Variants in SKAP2 observed in about 807,000 individuals in gnomAD.
SKAP2 encodes the protein src kinase-associated phosphoprotein 2.
Under a neutral mutation model 54.9 loss-of-function variants are expected in SKAP2, and 28 were observed. The ratio of observed to expected loss-of-function variants is 0.51; its 90% CI spans 0.38 to 0.70. The LOEUF is 0.70. Among genes scored for constraint, SKAP2 ranks in the 30% least tolerant of loss-of-function variants. SKAP2 has a pLI of 0.00. For missense variants in SKAP2, 356 were observed against 424.1 expected (o/e 0.84, Z 1.41); for synonymous variants, 137 against 134.3 (o/e 1.02, Z -0.14).
At chr7:26,809,367 C>T (rs1203682643) in intron 4 of SKAP2, among the ~76,000 whole-genome samples, 1 of 151,530 alleles carries the variant, frequency 6.6e-6, no homozygotes, top group Non-Finnish European at 1.5e-5. Flanking sequence ...GAGCCAAGAT[C>T]GCACCATTGC....
chr7:26,755,144 G>A lies in SKAP2; in HGVS notation c.308-15180C>T, dbSNP rs1341973527. Reference sequence around the variant, plus strand: ...TTATCTACCTTAATATTGATAACAAGTTATCAATTAAATTAATTCAATTAA... The same window carrying A: ...TTATCTACCTTAATATTGATAACAAATTATCAATTAAATTAATTCAATTAA... On this transcript the variant is annotated intron_variant, in intron 4 of 12. Transcript: ENST00000345317. Among the ~76,000 whole-genome samples, 9 of 152,080 alleles carry A rather than the reference G, an allele frequency of 5.9e-5. No individual in the cohort carries two copies. In the East Asian group the frequency reaches 1.7e-3, roughly 29 times the overall value.
At chr7:26,859,145 C>T (rs1785232987) in intron 1 of SKAP2, among the ~76,000 whole-genome samples, 1 of 152,054 alleles carries the variant, frequency 6.6e-6, no homozygotes, top group Non-Finnish European at 1.5e-5. Flanking sequence ...GCCTTTCTAA[C>T]TTAATTCCAC....
intron 4 of SKAP2, among the ~76,000 whole-genome samples, chr7:26,805,218 T>C (rs1784000532): frequency 6.6e-6 from 1 of 152,144 alleles, no homozygotes; most frequent in African/African-American, 2.4e-5. Context: ...AATCAGATTA[T>C]GAAACAATCA....
Position 26,714,969 on chromosome 7 carries a change from T to C in SKAP2, c.796+10459A>G, listed in dbSNP as rs376283524. ...GATATGAAGACTGTTAGAAGCTATGTCTTTACTTGTTGAGATTTCTTGGTG... is the reference window on the plus strand; with the variant it reads ...GATATGAAGACTGTTAGAAGCTATGCCTTTACTTGTTGAGATTTCTTGGTG... On this transcript the variant is annotated intron_variant, in intron 9 of 12. Transcript: ENST00000345317. Among the ~76,000 whole-genome samples the C allele has an allele frequency of 3.9e-5, 6 of 152,308 alleles. No homozygotes were observed. The East Asian group carries it at 9.6e-4, about 24-fold the overall frequency.
intron 1 of SKAP2, among the ~76,000 whole-genome samples, chr7:26,858,698 CACTA>C (rs946099271): frequency 5.9e-5 from 9 of 152,080 alleles, no homozygotes; most frequent in African/African-American, 1.9e-4. Context: ...AACACACACA[CACTA>C]ACTGCTTTCT....
At chr7:26,765,649 T>C (rs1584377045) in intron 4 of SKAP2, among the ~76,000 whole-genome samples, 2 of 152,178 alleles carry the variant, frequency 1.3e-5, no homozygotes, top group Admixed American at 1.3e-4. Context: ...TTTTGTATAA[T>C]GTGTAAGGAA....
chr7:26,688,759 TA>T (rs1312668515), intron 10 of SKAP2, among the ~76,000 whole-genome samples: 1 of 152,198 alleles, frequency 6.6e-6, no homozygotes, highest in African/African-American at 2.4e-5. Context: ...ATGTTTACTT[TA>T]AAAGGGCTTT....
At chr7:26,694,794 A>T (rs373291993) in intron 9 of SKAP2, among the ~76,000 whole-genome samples, 114 of 152,256 alleles carry the variant, frequency 7.5e-4, no homozygotes, top group Admixed American at 2.1e-3. Flanking sequence ...GAAAAGGCTT[A>T]CTGTGGGAAA....
chr7:26,838,683 T>A (rs1411262695), intron 4 of SKAP2, among the ~76,000 whole-genome samples: 2 of 152,170 alleles, frequency 1.3e-5, no homozygotes, highest in African/African-American at 2.4e-5. Context: ...GCATAAAGTT[T>A]ATGCTGTGGT....
At chr7:26,778,214 G>T (rs2064681315) in intron 4 of SKAP2, among the ~76,000 whole-genome samples, 1 of 152,056 alleles carries the variant, frequency 6.6e-6, no homozygotes, top group Non-Finnish European at 1.5e-5. Flanking sequence ...ATTTCAGGGA[G>T]GCAAAATTCA....
chr7:26,656,138 G>T, the SKAP2 span, among the ~76,000 whole-genome samples: 1 of 152,092 alleles, frequency 6.6e-6, no homozygotes, highest in Admixed American at 6.6e-5. Flanking sequence ...TGTAAATGCC[G>T]CAATTTACTG....
intron 1 of SKAP2, among the ~76,000 whole-genome samples, chr7:26,855,437 A>G (rs2127998849): frequency 6.6e-6 from 1 of 152,226 alleles, no homozygotes; most frequent in South Asian, 2.1e-4. Context: ...TCCCAAATCA[A>G]GCCCTCCTTC....
intron 9 of SKAP2, among the ~76,000 whole-genome samples, chr7:26,694,503 A>G (rs1584335446): frequency 6.6e-6 from 1 of 151,352 alleles, no homozygotes; most frequent in East Asian, 1.9e-4. Flanking sequence ...AAGTAACAGT[A>G]AAGTGAGCTA....
intron 10 of SKAP2, among the ~76,000 whole-genome samples, chr7:26,687,598 T>C (rs1416569560): frequency 6.6e-6 from 1 of 152,138 alleles, no homozygotes; most frequent in Non-Finnish European, 1.5e-5. Flanking sequence ...AATGTTTGAA[T>C]TCTTGATATG....
intron 4 of SKAP2, among the ~76,000 whole-genome samples, chr7:26,805,114 C>T (rs1034684196): frequency 6.6e-6 from 1 of 152,040 alleles, no homozygotes; most frequent in African/African-American, 2.4e-5. Context: ...TATATTCCCA[C>T]CTACTTTAGA....
chr7:26,694,050 C>T (rs1227504106), intron 9 of SKAP2, among the ~76,000 whole-genome samples: 3 of 151,986 alleles, frequency 2.0e-5, no homozygotes, highest in African/African-American at 7.2e-5. Flanking sequence ...GAACAAGTGA[C>T]CAAAATTCTA....
chr7:26,784,125 C>CAAAAA (rs376577431), intron 4 of SKAP2, among the ~76,000 whole-genome samples: 3 of 138,856 alleles, frequency 2.2e-5, no homozygotes, highest in African/African-American at 2.7e-5. Flanking sequence ...AGGGACATTC[C>CAAAAA]AAAAAAAAAA....
chr7:26,798,316 G>GAATACT (rs1323285562), intron 4 of SKAP2, among the ~76,000 whole-genome samples: 1 of 151,648 alleles, frequency 6.6e-6, no homozygotes, highest in Non-Finnish European at 1.5e-5. Context: ...AACTAACCTA[G>GAATACT]AATACTAGAT....
chr7:26,741,571 TAAA>T (rs59662934), intron 4 of SKAP2, among the ~76,000 whole-genome samples: 287 of 37,812 alleles, frequency 7.6e-3, no homozygotes, highest in African/African-American at 0.013. Context: ...AATAAATAAA[TAAA>T]TAAATTAATA....
Sources: gnomAD v4.1 joint callset for allele counts (sites outside exome capture counted in the v4.1 genomes callset) on GRCh38, gnomAD v4.1.1 for gene constraint, MANE v1.5 for transcripts, NCBI Gene and HGNC (gene_info 2026-07-23, HGNC 2026-07-21) for gene names.